The following GRIK4 variants were observed in gnomAD, a reference collection of about 807,000 sequenced individuals.
GRIK4 encodes glutamate receptor ionotropic, kainate 4.
GRIK4 carries 40 observed loss-of-function variants against 104.9 expected under a neutral mutation model. The observed-to-expected ratio is 0.38, with a 90% CI of 0.30 to 0.50. The LOEUF (loss-of-function observed/expected upper bound fraction) is 0.50, where lower values mean the gene tolerates loss of function less well. Among genes scored for constraint, GRIK4 ranks in the 20% least tolerant of loss-of-function variants. The probability of loss-of-function intolerance (pLI) is 0.93; values close to 1 mark genes in which losing one functional copy is unlikely to be tolerated. For synonymous variants in GRIK4, 485 were observed against 524.9 expected (o/e 0.92, Z 1.04); for missense variants, 1,047 against 1,308.1 (o/e 0.80, Z 3.08).
intron 14 of GRIK4, among the ~76,000 whole-genome samples, chr11:120,942,778 G>A (rs1002019565): frequency 8.5e-5 from 13 of 152,104 alleles, no homozygotes; most frequent in Admixed American, 6.5e-4. Flanking sequence ...ACTTGGCTAG[G>A]TTATGTTGCT....
intron 8 of GRIK4, among the ~76,000 whole-genome samples, chr11:120,851,259 C>T (rs1953967176): frequency 6.6e-6 from 1 of 152,186 alleles, no homozygotes; most frequent in Non-Finnish European, 1.5e-5. Flanking sequence ...ACCCCCCAGC[C>T]ATACTGAATG....
At chr11:120,750,892 C>T (rs886268265) in intron 3 of GRIK4, among the ~76,000 whole-genome samples, 4 of 152,138 alleles carry the variant, frequency 2.6e-5, no homozygotes, top group Non-Finnish European at 5.9e-5. Context: ...AAGTGAAACT[C>T]GGATAAATTA....
At chr11:120,890,618 ATC>A (rs1955261200) in intron 11 of GRIK4, among the ~76,000 whole-genome samples, 2 of 152,354 alleles carry the variant, frequency 1.3e-5, no homozygotes, top group South Asian at 4.1e-4. Context: ...GTTGCTTGAT[ATC>A]TCTGAGTCTC....
chr11:120,685,293 C>A lies in GRIK4; in HGVS notation c.82+24893C>A, dbSNP rs117923869. On this transcript the variant is annotated intron_variant, in intron 3 of 20. Transcript: ENST00000527524. ...AGAGAGTGTGAAAATCCAAAATCTC[C>A]AGTCCTATCCCAGAGGTACTAAATC... Among the ~76,000 whole-genome samples, 1,128 of 152,270 alleles carry A rather than the reference C, an allele frequency of 7.4e-3. 8 individuals carry two copies. Among genetic ancestry groups the A allele is most frequent in the South Asian group, 0.012 (59 of 4,816 alleles).
At chr11:120,884,586 C>T (rs1955065780) in intron 11 of GRIK4, among the ~76,000 whole-genome samples, 1 of 152,230 alleles carries the variant, frequency 6.6e-6, no homozygotes, top group South Asian at 2.1e-4. Flanking sequence ...CCTGACCCCT[C>T]CTTTTTCCAC....
intron 11 of GRIK4, among the ~76,000 whole-genome samples, chr11:120,897,666 TAAAAAC>T (rs1173726766): frequency 1.0e-5 from 1 of 100,298 alleles, no homozygotes; most frequent in African/African-American, 3.9e-5. Flanking sequence ...CACAATAAAA[TAAAAAC>T]AAAATAAAGG....
chr11:120,536,071 C>T (rs1021636933), intron 1 of GRIK4, among the ~76,000 whole-genome samples: 1 of 152,224 alleles, frequency 6.6e-6, no homozygotes, highest in African/African-American at 2.4e-5. Flanking sequence ...ATTATAAAGC[C>T]ATCCTTGAAG....
intron 8 of GRIK4, among the ~76,000 whole-genome samples, chr11:120,853,881 G>A (rs1382812779): frequency 1.3e-5 from 2 of 152,214 alleles, no homozygotes; most frequent in African/African-American, 4.8e-5. Flanking sequence ...TAGTGGCCTA[G>A]CCCAGTGCTG....
chr11:120,933,676 C>CTCT (rs1281856112), intron 13 of GRIK4, among the ~76,000 whole-genome samples: 1 of 152,210 alleles, frequency 6.6e-6, no homozygotes, highest in East Asian at 1.9e-4. Flanking sequence ...ATTTATAAGG[C>CTCT]TCTTCTACAA....
chr11:120,653,327 GTTTCCCCTTA>G (rs1466146908), intron 1 of GRIK4, among the ~76,000 whole-genome samples: 2 of 152,180 alleles, frequency 1.3e-5, no homozygotes, highest in Non-Finnish European at 2.9e-5. Context: ...GTGGAAATGA[GTTTCCCCTTA>G]TGGGAAAAGA....
chr11:120,632,506 C>T (rs79591774), intron 1 of GRIK4, among the ~76,000 whole-genome samples: 2,160 of 152,152 alleles, frequency 0.014, 46 homozygotes, highest in African/African-American at 0.047. Flanking sequence ...CACTTAGAAC[C>T]CGAGGGTCTC....
intron 6 of GRIK4, 104 bp downstream of exon 6, chr11:120,820,024 C>T (rs1953068887): frequency 9.4e-7 from 1 of 1,064,064 alleles, no homozygotes. Flanking sequence ...GGGGAGGCTT[C>T]CTTCAGATCC....
chr11:120,891,796 G>A (rs1372090539), intron 11 of GRIK4, among the ~76,000 whole-genome samples: 2 of 152,202 alleles, frequency 1.3e-5, no homozygotes, highest in Non-Finnish European at 2.9e-5. Flanking sequence ...TGAGGGATTA[G>A]CAAGGAAAGG....
At chr11:120,763,809 CTGTT>C (rs1251652927) in intron 3 of GRIK4, among the ~76,000 whole-genome samples, 6 of 151,880 alleles carry the variant, frequency 4.0e-5, no homozygotes, top group African/African-American at 2.4e-5. Flanking sequence ...GTCTGAGAGA[CTGTT>C]TGTTATGATT....
chr11:120,908,436 CAT>C (rs951423320), intron 13 of GRIK4, among the ~76,000 whole-genome samples: 1 of 57,388 alleles, frequency 1.7e-5, no homozygotes, highest in Admixed American at 1.6e-4. Context: ...CACACACACA[CAT>C]ACACACACAC....
At chr11:120,983,365 G>A (rs144959873) in intron 20 of GRIK4, among the ~76,000 whole-genome samples, 10 of 152,248 alleles carry the variant, frequency 6.6e-5, no homozygotes, top group East Asian at 1.9e-4. Flanking sequence ...GATTTGGTCC[G>A]AAACCCAGGG....
At chr11:120,954,334 C>T (rs11218079) in intron 15 of GRIK4, among the ~76,000 whole-genome samples, 1,705 of 152,082 alleles carry the variant, frequency 0.011, 13 homozygotes, top group Non-Finnish European at 0.019. Context: ...TTGGGCACCA[C>T]CAACCCCTCT....
At chr11:120,663,042 G>A (rs1279291143) in intron 3 of GRIK4, among the ~76,000 whole-genome samples, 1 of 152,188 alleles carries the variant, frequency 6.6e-6, no homozygotes, top group Admixed American at 6.5e-5. Flanking sequence ...ATGGCTGTGA[G>A]GCTGGCTGCA....
At chr11:120,582,744 T>G (rs1044779825) in intron 1 of GRIK4, among the ~76,000 whole-genome samples, 1 of 152,226 alleles carries the variant, frequency 6.6e-6, no homozygotes, top group African/African-American at 2.4e-5. Context: ...ACATTTTCTT[T>G]ATCCAGTCTA....
Sources: gnomAD v4.1 joint callset for allele counts (sites outside exome capture counted in the v4.1 genomes callset) on GRCh38, gnomAD v4.1.1 for gene constraint, MANE v1.5 for transcripts, NCBI Gene and HGNC (gene_info 2026-07-23, HGNC 2026-07-21) for gene names.